Variants in PIK3C2A observed in about 807,000 individuals in gnomAD.
The protein encoded by PIK3C2A is phosphatidylinositol 4-phosphate 3-kinase C2 domain-containing subunit alpha.
PIK3C2A carries 97 observed loss-of-function variants against 204.5 expected under a neutral mutation model. The observed-to-expected ratio is 0.47, with a 90% CI of 0.40 to 0.56. The LOEUF is 0.56. Among genes scored for constraint, PIK3C2A ranks in the 20% least tolerant of loss-of-function variants. The pLI is 0.00. For synonymous variants in PIK3C2A, 653 were observed against 664.4 expected (o/e 0.98, Z 0.26); for missense variants, 1,735 against 1,969.2 (o/e 0.88, Z 2.25).
At chr11:17,190,704 A>T (rs1003687834) in intron 1 of PIK3C2A, among the ~76,000 whole-genome samples, 8 of 152,160 alleles carry the variant, frequency 5.3e-5, no homozygotes, top group African/African-American at 1.9e-4. Context: ...GAAAGGAAAA[A>T]TATATTCAAA....
chr11:17,203,998 T>A (rs1852474066), intron 1 of PIK3C2A, among the ~76,000 whole-genome samples: 1 of 151,282 alleles, frequency 6.6e-6, no homozygotes, highest in Admixed American at 6.6e-5. Flanking sequence ...GGTGTGAACC[T>A]GGGAGGCGGA....
intron 1 of PIK3C2A, among the ~76,000 whole-genome samples, chr11:17,196,665 G>C (rs1591025734): frequency 6.6e-6 from 1 of 152,120 alleles, no homozygotes; most frequent in East Asian, 1.9e-4. Flanking sequence ...CGCCTCCCGG[G>C]TTCACGCCAT....
At chr11:17,096,610 A>C (rs964367732) in intron 27 of PIK3C2A, among the ~76,000 whole-genome samples, 1 of 152,242 alleles carries the variant, frequency 6.6e-6, no homozygotes, top group Non-Finnish European at 1.5e-5. Flanking sequence ...AAAATTTAAA[A>C]ACTGGCAGTT....
intron 22 of PIK3C2A, among the ~76,000 whole-genome samples, chr11:17,108,811 C>A (rs924918678): frequency 6.6e-6 from 1 of 152,084 alleles, no homozygotes; most frequent in African/African-American, 2.4e-5. Flanking sequence ...TTACCTGAAC[C>A]ATTTGCAAGG....
chr11:17,132,450 C>T (rs1435987546), intron 11 of PIK3C2A, among the ~76,000 whole-genome samples: 8 of 150,966 alleles, frequency 5.3e-5, no homozygotes, highest in African/African-American at 1.9e-4. Flanking sequence ...CTGCCTCAGC[C>T]TCCCGAGTAG....
At chr11:17,097,853 T>C (rs1416212806) in intron 26 of PIK3C2A, among the ~76,000 whole-genome samples, 1 of 152,178 alleles carries the variant, frequency 6.6e-6, no homozygotes, top group Admixed American at 6.5e-5. Flanking sequence ...GGAAAGAGGT[T>C]GCAGTGAGCT....
At chr11:17,128,981 G>T (rs1390957125) in intron 13 of PIK3C2A, among the ~76,000 whole-genome samples, 1 of 152,146 alleles carries the variant, frequency 6.6e-6, no homozygotes, top group Non-Finnish European at 1.5e-5. Context: ...AACATCAAGG[G>T]AACTTACAAG....
At chr11:17,180,015 T>A (rs761544661) in intron 1 of PIK3C2A, among the ~76,000 whole-genome samples, 66 of 152,324 alleles carry the variant, frequency 4.3e-4, no homozygotes, top group Non-Finnish European at 6.5e-4. Flanking sequence ...AGAAGCCATA[T>A]GTAAAAGATT....
intron 9 of PIK3C2A, 33 bp downstream of exon 9, chr11:17,136,449 T>G: frequency 1.3e-6 from 2 of 1,520,738 alleles, no homozygotes; most frequent in African/African-American, 1.4e-5. Flanking sequence ...CATATTTGCA[T>G]GTAATAAAAT....
chr11:17,197,310 G>C lies in PIK3C2A; in HGVS notation c.-66+10538C>G, dbSNP rs142008647. On this transcript the variant is annotated intron_variant, in intron 1 of 32. Transcript: ENST00000691414. Reference sequence around the variant, plus strand: ...GCTGGGACTACAGGCATGAGCCACCGCACCTGGCCCCCACTCCATTCTTTA... The same window carrying C: ...GCTGGGACTACAGGCATGAGCCACCCCACCTGGCCCCCACTCCATTCTTTA... Among the ~76,000 whole-genome samples, 733 of 152,074 alleles carry C rather than the reference G, an allele frequency of 4.8e-3. 3 individuals carry two copies. The highest frequency in any genetic ancestry group is 7.2e-3 in the Non-Finnish European group (489 of 67,978).
At chr11:17,120,786 C>T (rs1166607287) in intron 15 of PIK3C2A, among the ~76,000 whole-genome samples, 1 of 152,082 alleles carries the variant, frequency 6.6e-6, no homozygotes, top group Non-Finnish European at 1.5e-5. Context: ...AAAATTAGTA[C>T]ATACAGCTAT....
chr11:17,111,456 T>C (rs1023779423), intron 21 of PIK3C2A, among the ~76,000 whole-genome samples: 3 of 152,214 alleles, frequency 2.0e-5, no homozygotes, highest in Admixed American at 1.3e-4. Context: ...ACTTTTTAAC[T>C]AAAACTTGAA....
intron 15 of PIK3C2A, among the ~76,000 whole-genome samples, chr11:17,120,235 T>G (rs956670847): frequency 6.6e-6 from 1 of 151,958 alleles, no homozygotes; most frequent in Non-Finnish European, 1.5e-5. Flanking sequence ...TAATAAAAAT[T>G]TATTGAGCTC....
chr11:17,200,533 C>T (rs1297251137), intron 1 of PIK3C2A, among the ~76,000 whole-genome samples: 2 of 152,062 alleles, frequency 1.3e-5, no homozygotes, highest in Admixed American at 1.3e-4. Context: ...ATTTATATGG[C>T]ATTTTGGGAA....
At chr11:17,169,873 T>C (rs2137490944) in intron 1 of PIK3C2A, 67 bp from the exon 2 acceptor site, 2 of 645,284 alleles carry the variant, frequency 3.1e-6, no homozygotes, top group East Asian at 2.8e-5. Flanking sequence ...GTTTGCAACC[T>C]ACCCCATATG....
chr11:17,121,099 A>G (rs1159512596), intron 15 of PIK3C2A, among the ~76,000 whole-genome samples: 2 of 151,952 alleles, frequency 1.3e-5, no homozygotes, highest in Admixed American at 1.3e-4. Context: ...GACATTTCCA[A>G]TCAATTTTTC....
At chr11:17,195,394 A>G (rs1852113788) in intron 1 of PIK3C2A, among the ~76,000 whole-genome samples, 1 of 150,174 alleles carries the variant, frequency 6.7e-6, no homozygotes, top group African/African-American at 2.5e-5. Context: ...ACCTGGTGAA[A>G]GAGGAAGATT....
intron 11 of PIK3C2A, among the ~76,000 whole-genome samples, chr11:17,132,315 A>ATTTTT (rs11307715): frequency 1.0e-4 from 8 of 78,764 alleles, no homozygotes; most frequent in East Asian, 6.4e-4. Context: ...ATTAACTTTA[A>ATTTTT]TTTTTTTTTT....
chr11:17,132,315 ATTTTTTTTT>A (rs11307715), intron 11 of PIK3C2A, among the ~76,000 whole-genome samples: 1 of 78,812 alleles, frequency 1.3e-5, no homozygotes, highest in African/African-American at 5.3e-5. Context: ...ATTAACTTTA[ATTTTTTTTT>A]TTTTTTTTTT....
Sources: gnomAD v4.1 joint callset for allele counts (sites outside exome capture counted in the v4.1 genomes callset) on GRCh38, gnomAD v4.1.1 for gene constraint, MANE v1.5 for transcripts, NCBI Gene and HGNC (gene_info 2026-07-23, HGNC 2026-07-21) for gene names.